Variants in FAM229B observed in about 807,000 individuals in gnomAD.
FAM229B encodes the protein family with sequence similarity 229 member B.
FAM229B carries 2 observed loss-of-function variants against 6.7 expected under a neutral mutation model. The observed-to-expected ratio is 0.30, with a 90% CI of 0.12 to 0.94. The LOEUF (loss-of-function observed/expected upper bound fraction) is 0.94, where lower values mean the gene tolerates loss of function less well. Among genes scored for constraint, FAM229B ranks in the 40% least tolerant of loss-of-function variants. The probability of loss-of-function intolerance (pLI) is 0.54; values close to 1 mark genes in which losing one functional copy is unlikely to be tolerated. For missense variants in FAM229B, 93 were observed against 96.2 expected (o/e 0.97, Z 0.14); for synonymous variants, 29 against 34.0 (o/e 0.85, Z 0.51).
chr6:112,087,670 T>G lies in FAM229B; in HGVS notation c.-226T>G. On this transcript the variant is annotated 5_prime_UTR_variant, in exon 1 of 4. Transcript: ENST00000368656. ...TTCTGGACTGTATATCCTAGCTGCCTTGTCAACATCTTCGAGCATCGGCAG... is the reference window on the plus strand; with the variant it reads ...TTCTGGACTGTATATCCTAGCTGCCGTGTCAACATCTTCGAGCATCGGCAG... 4.1e-6 allele frequency: 2 copies of G among 484,974 alleles called. No homozygotes were observed. Among genetic ancestry groups the G allele is most frequent in the South Asian group, 7.0e-5 (2 of 28,512 alleles). The allele number at this position is 484,974 out of a possible 1,614,324, so 30.0% of individuals were successfully genotyped here. A position where few individuals can be genotyped will look rare whatever the true frequency, so the allele number is the denominator to read the frequency against.
chr6:112,092,794 T>A (rs782747367), intron 1 of FAM229B, among the ~76,000 whole-genome samples: 47 of 151,976 alleles, frequency 3.1e-4, no homozygotes, highest in Admixed American at 2.0e-4. Flanking sequence ...ATGGTTCTTC[T>A]AGTATATGTG....
chr6:112,088,991 A>G (rs1320235973), intron 1 of FAM229B, among the ~76,000 whole-genome samples: 1 of 152,236 alleles, frequency 6.6e-6, no homozygotes, highest in African/African-American at 2.4e-5. Context: ...AGTTCTGCTT[A>G]AGAGCCAAGC....
At position 112,087,677 on chromosome 6, in the gene FAM229B, C is replaced by T; in HGVS notation, c.-219C>T. 2.1e-6 allele frequency: 1 copy of T among 476,560 alleles called. No homozygotes were observed. The highest frequency in any genetic ancestry group is 3.7e-6 in the Non-Finnish European group (1 of 268,628). 29.5% of individuals were successfully genotyped at this position (476,560 alleles called of 1,614,324 possible). A position where few individuals can be genotyped will look rare whatever the true frequency, so the allele number is the denominator to read the frequency against. ...CTGTATATCCTAGCTGCCTTGTCAA[C>T]ATCTTCGAGCATCGGCAGCTCCGGA... is the stretch of plus-strand genomic sequence containing the variant. On this transcript the variant is annotated 5_prime_UTR_variant, in exon 1 of 4. Coordinates refer to ENST00000368656, the MANE Select transcript of FAM229B (RefSeq NM_001033564.3).
At chr6:112,096,400 G>GA (rs1365081096) in intron 1 of FAM229B, among the ~76,000 whole-genome samples, 1 of 151,900 alleles carries the variant, frequency 6.6e-6, no homozygotes, top group Non-Finnish European at 1.5e-5. Context: ...ACTAAAAATA[G>GA]AAAAAATTAG....
intron 2 of FAM229B, among the ~76,000 whole-genome samples, chr6:112,098,680 G>A (rs1777356966): frequency 6.6e-6 from 1 of 152,200 alleles, no homozygotes; most frequent in Non-Finnish European, 1.5e-5. Flanking sequence ...TGAAGGATTA[G>A]CTAAAGATAT....
chr6:112,093,258 GTAGACTA>G (rs1459766379), intron 1 of FAM229B, among the ~76,000 whole-genome samples: 2 of 151,928 alleles, frequency 1.3e-5, no homozygotes, highest in African/African-American at 4.8e-5. Flanking sequence ...TATCAGAAAA[GTAGACTA>G]TAGAGCAAAG....
chr6:112,099,770 A>G (rs1777372214), intron 3 of FAM229B, among the ~76,000 whole-genome samples: 1 of 152,342 alleles, frequency 6.6e-6, no homozygotes, highest in African/African-American at 2.4e-5. Flanking sequence ...TGCACAGGGC[A>G]CTGTGCTAGG....
intron 1 of FAM229B, among the ~76,000 whole-genome samples, chr6:112,090,688 G>T (rs1371901859): frequency 6.6e-6 from 1 of 152,032 alleles, no homozygotes; most frequent in Admixed American, 6.5e-5. Flanking sequence ...CACTCAGGCT[G>T]ATGATCTGCC....
intron 1 of FAM229B, among the ~76,000 whole-genome samples, chr6:112,091,861 G>T (rs191735960): frequency 1.4e-5 from 2 of 147,586 alleles, no homozygotes; most frequent in Non-Finnish European, 3.0e-5. Flanking sequence ...AGCCCAGGCA[G>T]ACTGAGAAGG....
chr6:112,095,321 A>C (rs1439324595), intron 1 of FAM229B, among the ~76,000 whole-genome samples: 1 of 152,124 alleles, frequency 6.6e-6, no homozygotes, highest in African/African-American at 2.4e-5. Flanking sequence ...AAAATCTCAG[A>C]GCTAACATTG....
At chr6:112,099,203 T>C (rs1160218457) in intron 2 of FAM229B, 67 bp from the exon 3 acceptor site, 67 of 1,380,462 alleles carry the variant, frequency 4.9e-5, no homozygotes, top group Non-Finnish European at 6.2e-5. Context: ...TTGAAGACAA[T>C]CTATCTCCAC....
At chr6:112,096,929 G>A (rs782122016) in intron 1 of FAM229B, 112 bp from the exon 2 acceptor site, 2 of 152,172 alleles carry the variant, frequency 1.3e-5, no homozygotes, top group South Asian at 4.1e-4. Context: ...ATATTGTAGG[G>A]AAATAAGCCA....
At chr6:112,100,467 GT>G (rs1777381749) in intron 3 of FAM229B, among the ~76,000 whole-genome samples, 1 of 152,170 alleles carries the variant, frequency 6.6e-6, no homozygotes, top group African/African-American at 2.4e-5. Flanking sequence ...GATTAAATAT[GT>G]ACGTCAGAGG....
At chr6:112,094,949 A>T (rs1382517060) in intron 1 of FAM229B, among the ~76,000 whole-genome samples, 1 of 152,178 alleles carries the variant, frequency 6.6e-6, no homozygotes, top group Non-Finnish European at 1.5e-5. Context: ...CTTCTGAGGT[A>T]TCATTCTAAT....
At chr6:112,090,366 G>A (rs1777241857) in intron 1 of FAM229B, among the ~76,000 whole-genome samples, 1 of 152,152 alleles carries the variant, frequency 6.6e-6, no homozygotes, top group Non-Finnish European at 1.5e-5. Context: ...TTATCACAGA[G>A]TTTTCCAAAG....
intron 3 of FAM229B, among the ~76,000 whole-genome samples, chr6:112,100,409 T>C (rs1394781853): frequency 6.6e-6 from 1 of 152,214 alleles, no homozygotes; most frequent in Non-Finnish European, 1.5e-5. Flanking sequence ...TGCATACCTT[T>C]CAAAATCAAC....
intron 1 of FAM229B, among the ~76,000 whole-genome samples, chr6:112,092,389 G>A (rs1305256169): frequency 6.6e-6 from 1 of 151,972 alleles, no homozygotes; most frequent in African/African-American, 2.4e-5. Context: ...ATGCAAGCTG[G>A]AACATAGTGG....
rs1554319189 is a variant in FAM229B, at chr6:112,100,754, T to C, written c.210T>C (p.Pro70=). ...VTVYATTRKP[P]AQSSKEMHPK ...TTTATGCAACAACGAGAAAGCCACC[T>C]GCACAAAGCAGCAAGGAAATGCATC... is the stretch of plus-strand genomic sequence containing the variant. The change falls in exon 4 of 4, where the codon CCT becomes CCC. Residue 70 remains proline, a synonymous_variant. Coordinates refer to ENST00000368656, the MANE Select transcript of FAM229B (RefSeq NM_001033564.3). 1.2e-6 allele frequency: 2 copies of C among 1,614,012 alleles called. No homozygotes were observed. Among genetic ancestry groups the C allele is most frequent in the South Asian group, 2.2e-5 (2 of 91,076 alleles).
intron 1 of FAM229B, among the ~76,000 whole-genome samples, chr6:112,092,032 A>G (rs191855522): frequency 6.6e-6 from 1 of 152,264 alleles, no homozygotes; most frequent in East Asian, 1.9e-4. Context: ...GCAAAATAAA[A>G]CAGAGAACAA....
Sources: gnomAD v4.1 joint callset for allele counts (sites outside exome capture counted in the v4.1 genomes callset) on GRCh38, gnomAD v4.1.1 for gene constraint, MANE v1.5 for transcripts, NCBI Gene and HGNC (gene_info 2026-07-23, HGNC 2026-07-21) for gene names.